Variants in C1QTNF3 observed in about 807,000 individuals in gnomAD.
C1QTNF3 encodes the protein complement C1q tumor necrosis factor-related protein 3.
A neutral mutation model predicts 32.6 loss-of-function variants in C1QTNF3; 26 were observed. The observed-to-expected ratio is 0.80, with a 90% CI of 0.58 to 1.11. The LOEUF (loss-of-function observed/expected upper bound fraction) is 1.11, where lower values mean the gene tolerates loss of function less well. C1QTNF3 is among the 50% of genes least tolerant of loss of function. The pLI is 0.00. For missense variants in C1QTNF3, 362 were observed against 398.2 expected (o/e 0.91, Z 0.77); for synonymous variants, 155 against 146.0 (o/e 1.06, Z -0.44).
At chr5:34,120,610 G>C in the C1QTNF3 span, among the ~76,000 whole-genome samples, 1 of 152,140 alleles carries the variant, frequency 6.6e-6, no homozygotes, top group Non-Finnish European at 1.5e-5. Context: ...ATAGGGGTGG[G>C]TCTTTCCCAT....
At chr5:34,119,570 T>C in the C1QTNF3 span, among the ~76,000 whole-genome samples, 14 of 152,158 alleles carry the variant, frequency 9.2e-5, no homozygotes, top group Non-Finnish European at 1.5e-4. Flanking sequence ...CTTACAGATC[T>C]GGAAGCCAAA....
At chr5:34,197,007 A>G in the C1QTNF3 span, among the ~76,000 whole-genome samples, 1 of 152,310 alleles carries the variant, frequency 6.6e-6, no homozygotes, top group Non-Finnish European at 1.5e-5. Flanking sequence ...CTAGTGGCTA[A>G]TGTATTGAAC....
the C1QTNF3 span, among the ~76,000 whole-genome samples, chr5:34,098,686 G>T: frequency 6.6e-6 from 1 of 151,756 alleles, no homozygotes; most frequent in East Asian, 1.9e-4. Context: ...CTCACTGAGG[G>T]TGGCTGAGTC....
the C1QTNF3 span, among the ~76,000 whole-genome samples, chr5:34,203,258 A>T: frequency 1.3e-5 from 2 of 152,176 alleles, no homozygotes; most frequent in Admixed American, 6.5e-5. Context: ...AAAAACAAAA[A>T]ACAACAACAA....
chr5:34,132,438 TATATATATATATA>T, the C1QTNF3 span, among the ~76,000 whole-genome samples: 2 of 8,432 alleles, frequency 2.4e-4, no homozygotes, highest in Non-Finnish European at 6.3e-4. Context: ...TGTGTATGTA[TATATATATATATA>T]TATATATATA....
At chr5:34,212,257 G>C in the C1QTNF3 span, among the ~76,000 whole-genome samples, 1 of 151,862 alleles carries the variant, frequency 6.6e-6, no homozygotes, top group African/African-American at 2.4e-5. Context: ...ATTAATTCAA[G>C]ATGGATTAAA....
At chr5:34,037,850 C>A (rs1754778981) in intron 1 of C1QTNF3, among the ~76,000 whole-genome samples, 1 of 152,130 alleles carries the variant, frequency 6.6e-6, no homozygotes. Flanking sequence ...AAACTGTAAT[C>A]TGAGAAGGAA....
At chr5:34,127,731 G>C in the C1QTNF3 span, among the ~76,000 whole-genome samples, 4 of 151,748 alleles carry the variant, frequency 2.6e-5, no homozygotes, top group South Asian at 6.3e-4. Flanking sequence ...GGGATTACAG[G>C]CATGCACCAC....
At chr5:34,050,700 T>C in the C1QTNF3 span, among the ~76,000 whole-genome samples, 2 of 152,208 alleles carry the variant, frequency 1.3e-5, no homozygotes, top group African/African-American at 4.8e-5. Flanking sequence ...CCCTATGACA[T>C]ATAAGTTCTG....
the C1QTNF3 span, among the ~76,000 whole-genome samples, chr5:34,188,589 T>C: frequency 0.012 from 1,776 of 152,128 alleles, 23 homozygotes; most frequent in African/African-American, 0.041. Context: ...TGGACTTGCA[T>C]GGGGCCTGTA....
chr5:34,090,653 T>G, the C1QTNF3 span, among the ~76,000 whole-genome samples: 2 of 152,220 alleles, frequency 1.3e-5, no homozygotes, highest in Admixed American at 6.5e-5. Context: ...GTGATGATAT[T>G]TGGAGGTGGG....
chr5:34,112,269 C>T, the C1QTNF3 span, among the ~76,000 whole-genome samples: 1 of 152,124 alleles, frequency 6.6e-6, no homozygotes, highest in African/African-American at 2.4e-5. Context: ...GTTGTTTGCA[C>T]ACTGATTATT....
the C1QTNF3 span, among the ~76,000 whole-genome samples, chr5:34,073,407 T>C: frequency 0.052 from 7,844 of 152,214 alleles, 612 homozygotes; most frequent in African/African-American, 0.17. Flanking sequence ...AATGCATTTA[T>C]AAATTTTGGG....
chr5:34,054,273 C>T, the C1QTNF3 span, among the ~76,000 whole-genome samples: 1 of 152,190 alleles, frequency 6.6e-6, no homozygotes, highest in Non-Finnish European at 1.5e-5. Context: ...TAATCCTCCA[C>T]ACTGGGAAAC....
the C1QTNF3 span, among the ~76,000 whole-genome samples, chr5:34,230,810 C>CAAAAA: frequency 1.3e-5 from 2 of 151,852 alleles, no homozygotes; most frequent in South Asian, 4.2e-4. Flanking sequence ...TAAAACAAAA[C>CAAAAA]AAAACAAAAC....
At chr5:34,208,431 G>A in the C1QTNF3 span, among the ~76,000 whole-genome samples, 6 of 151,856 alleles carry the variant, frequency 4.0e-5, no homozygotes, top group Non-Finnish European at 8.8e-5. Flanking sequence ...TACACTGTAA[G>A]ATGATTAGCA....
At chr5:34,219,706 A>T in the C1QTNF3 span, among the ~76,000 whole-genome samples, 1 of 152,280 alleles carries the variant, frequency 6.6e-6, no homozygotes, top group South Asian at 2.1e-4. Context: ...CATTTAACCA[A>T]TATTTTGATA....
intron 1 of C1QTNF3, 27 bp from the exon 2 acceptor site, chr5:34,035,785 G>GA (rs1219509500): frequency 2.6e-6 from 4 of 1,557,308 alleles, no homozygotes; most frequent in East Asian, 2.3e-5. Flanking sequence ...AGAAGCTTCA[G>GA]AAAAAAAGGT....
At chr5:34,158,578 A>C in the C1QTNF3 span, 1 of 152,178 alleles carries the variant, frequency 6.6e-6, no homozygotes, top group Non-Finnish European at 1.5e-5. Context: ...GCATAAATTT[A>C]CATCTTTTCA....
Sources: allele counts gnomAD v4.1 joint callset (sites outside exome capture counted in the v4.1 genomes callset), GRCh38; gene constraint gnomAD v4.1.1; transcripts MANE v1.5; gene names NCBI Gene and HGNC (gene_info 2026-07-23, HGNC 2026-07-21).